PVT1: variants seen among roughly 807,000 people sequenced by gnomAD.
PVT1 encodes Pvt1 oncogene.
At chr8:127,822,357 A>T (rs1814743167) in intron 2 of PVT1, among the ~76,000 whole-genome samples, 1 of 152,210 alleles carries the variant, frequency 6.6e-6, no homozygotes, top group Non-Finnish European at 1.5e-5. Flanking sequence ...ACGAGCGGAT[A>T]GTTGAGATCA....
chr8:127,846,980 C>CTTTTTTTTTTTTTTT (rs34437112), intron 2 of PVT1, among the ~76,000 whole-genome samples: 9 of 62,406 alleles, frequency 1.4e-4, no homozygotes, highest in South Asian at 6.8e-4. Context: ...TGCACATGGC[C>CTTTTTTTTTTTTTTT]TTTTTTTTTT....
At chr8:128,082,458 C>T (rs1814193944) in intron 5 of PVT1, among the ~76,000 whole-genome samples, 1 of 152,214 alleles carries the variant, frequency 6.6e-6, no homozygotes, top group Non-Finnish European at 1.5e-5. Flanking sequence ...CTGCAATGTT[C>T]CCATCATGGG....
chr8:128,048,628 G>A (rs1423984167), intron 4 of PVT1: 1 of 152,286 alleles, frequency 6.6e-6, no homozygotes, highest in Non-Finnish European at 1.5e-5. Flanking sequence ...GACCTGCTGG[G>A]GTTTGGGTCC....
chr8:128,016,457 TG>T (rs1817375027), intron 4 of PVT1, among the ~76,000 whole-genome samples: 1 of 152,214 alleles, frequency 6.6e-6, no homozygotes, highest in Admixed American at 6.5e-5. Flanking sequence ...ACCATTCGTG[TG>T]GTCCTGAAAT....
intron 4 of PVT1, among the ~76,000 whole-genome samples, chr8:128,068,616 C>T (rs1336455817): frequency 6.7e-6 from 1 of 149,542 alleles, no homozygotes; most frequent in African/African-American, 2.4e-5. Context: ...CCTGCCTCAG[C>T]CCCTGAGAAG....
chr8:128,072,151 C>T lies in PVT1; in HGVS notation n.1114+1790C>T, dbSNP rs1814006148. Among the ~76,000 whole-genome samples, 5 of 152,316 alleles carry T rather than the reference C, an allele frequency of 3.3e-5. No individual in the cohort carries two copies. The South Asian group carries it at 1.0e-3, about 32-fold the overall frequency. ...GGCCATGATTTGAATCCAAAAGCTT[C>T]TGGCTCCGAAACTGGGCTTTTATCC... On this transcript the variant is annotated intron_variant and non_coding_transcript_variant, in intron 5 of 10. Transcript: ENST00000651587.
intron 2 of PVT1, among the ~76,000 whole-genome samples, chr8:127,811,171 T>C (rs1814590552): frequency 6.6e-6 from 1 of 152,146 alleles, no homozygotes; most frequent in African/African-American, 2.4e-5. Context: ...AGATTCCAGC[T>C]CCCTCCTCCC....
chr8:127,935,668 A>G (rs140049297), intron 3 of PVT1, among the ~76,000 whole-genome samples: 3 of 152,078 alleles, frequency 2.0e-5, no homozygotes, highest in East Asian at 1.9e-4. Flanking sequence ...TGGTTGCACA[A>G]TCGTGGGAGG....
intron 5 of PVT1, among the ~76,000 whole-genome samples, chr8:128,074,634 CA>C (rs148680701): frequency 0.018 from 2,705 of 152,054 alleles, 82 homozygotes; most frequent in African/African-American, 0.061. Flanking sequence ...GTGGTTTTGA[CA>C]GAATAGTTGG....
At chr8:127,812,358 G>C (rs1014425784) in intron 2 of PVT1, among the ~76,000 whole-genome samples, 1 of 152,016 alleles carries the variant, frequency 6.6e-6, no homozygotes, top group African/African-American at 2.4e-5. Context: ...GCTGAGATGG[G>C]AGGAATTGGA....
chr8:128,087,812 G>A (rs1814278844), intron 5 of PVT1, among the ~76,000 whole-genome samples: 1 of 145,918 alleles, frequency 6.9e-6, no homozygotes, highest in Non-Finnish European at 1.5e-5. Flanking sequence ...GAGTGCAGTG[G>A]AGCAATCTCG....
intron 3 of PVT1, among the ~76,000 whole-genome samples, chr8:127,943,741 A>G (rs1816383354): frequency 6.6e-6 from 1 of 152,132 alleles, no homozygotes; most frequent in Admixed American, 6.5e-5. Context: ...TCTAGAGACC[A>G]CCTAATTAGG....
intron 2 of PVT1, chr8:127,803,527 A>T (rs930562917): frequency 6.6e-6 from 1 of 152,324 alleles, no homozygotes; most frequent in Non-Finnish European, 1.5e-5. Flanking sequence ...AAAAGATGAC[A>T]AACTCATGTG....
chr8:127,806,191 C>G (rs113187342), intron 2 of PVT1, among the ~76,000 whole-genome samples: 2 of 152,030 alleles, frequency 1.3e-5, no homozygotes, highest in Non-Finnish European at 2.9e-5. Context: ...GGCTGGGCAC[C>G]GTGGCTCATG....
chr8:127,868,763 C>T (rs1331628076), intron 2 of PVT1, among the ~76,000 whole-genome samples: 2 of 790 alleles, frequency 2.5e-3, no homozygotes, highest in Non-Finnish European at 8.8e-3. Flanking sequence ...TTTCTCCTTC[C>T]TTTTAACATA....
chr8:127,806,200 T>C (rs913369897), intron 2 of PVT1, among the ~76,000 whole-genome samples: 2 of 152,158 alleles, frequency 1.3e-5, no homozygotes, highest in Non-Finnish European at 2.9e-5. Flanking sequence ...CCGTGGCTCA[T>C]GCCTATAATC....
At chr8:127,832,775 G>A (rs1383381083) in intron 2 of PVT1, among the ~76,000 whole-genome samples, 7 of 152,088 alleles carry the variant, frequency 4.6e-5, no homozygotes, top group African/African-American at 9.7e-5. Context: ...GGAGAATGGT[G>A]TGAACCCGGG....
At chr8:127,861,574 CTTATA>C (rs778211670) in intron 2 of PVT1, among the ~76,000 whole-genome samples, 6 of 150,708 alleles carry the variant, frequency 4.0e-5, no homozygotes, top group Non-Finnish European at 7.4e-5. Context: ...TTTTTTTTAA[CTTATA>C]TTATGACCAT....
chr8:127,860,714 G>A (rs550192218), intron 2 of PVT1, among the ~76,000 whole-genome samples: 4 of 147,006 alleles, frequency 2.7e-5, no homozygotes, highest in East Asian at 2.0e-4. Flanking sequence ...GTAGTAAGTC[G>A]AGATCACGCC....
Sources: allele counts gnomAD v4.1 joint callset (sites outside exome capture counted in the v4.1 genomes callset), GRCh38; gene constraint gnomAD v4.1.1; transcripts MANE v1.5; gene names NCBI Gene and HGNC (gene_info 2026-07-23, HGNC 2026-07-21).